STX18: variants seen among roughly 807,000 people sequenced by gnomAD.
The protein encoded by STX18 is syntaxin-18.
In STX18, 40 loss-of-function variants were observed where a neutral mutation model predicts 50.1. The observed-to-expected ratio is 0.80, with a 90% CI of 0.62 to 1.04. STX18 has a LOEUF of 1.04. Ranked by LOEUF, STX18 falls within the 50% of genes least tolerant of loss-of-function variation. The pLI, the probability that STX18 is intolerant of heterozygous loss-of-function variation, is 0.00. For missense variants in STX18, 410 were observed against 415.8 expected (o/e 0.99, Z 0.12); for synonymous variants, 158 against 151.8 (o/e 1.04, Z -0.30).
chr4:4,436,044 T>C (rs1309525920), intron 6 of STX18, among the ~76,000 whole-genome samples: 1 of 152,124 alleles, frequency 6.6e-6, no homozygotes, highest in African/African-American at 2.4e-5. Flanking sequence ...TCTTTTTCCT[T>C]TTTTCCTCAA....
intron 5 of STX18, among the ~76,000 whole-genome samples, chr4:4,450,709 G>A (rs1351233985): frequency 6.6e-6 from 1 of 152,020 alleles, no homozygotes; most frequent in Non-Finnish European, 1.5e-5. Context: ...CCTGGCTTAG[G>A]CTATGACTGC....
intron 1 of STX18, among the ~76,000 whole-genome samples, chr4:4,514,957 C>G (rs924591598): frequency 6.6e-6 from 1 of 152,116 alleles, no homozygotes; most frequent in Non-Finnish European, 1.5e-5. Context: ...ACTATGGGGA[C>G]AGGAAGGAGG....
At chr4:4,425,515 T>A in intron 7 of STX18, 1 of 528,204 alleles carries the variant, frequency 1.9e-6, no homozygotes, top group Non-Finnish European at 3.4e-6. Flanking sequence ...ACCTACCCGC[T>A]CTCCCCTGGG....
At chr4:4,450,297 A>G (rs1726678366) in intron 5 of STX18, among the ~76,000 whole-genome samples, 2 of 152,078 alleles carry the variant, frequency 1.3e-5, no homozygotes, top group South Asian at 4.1e-4. Flanking sequence ...CACTTCTCCT[A>G]TAGTGAGAAA....
intron 1 of STX18, among the ~76,000 whole-genome samples, chr4:4,500,716 G>A (rs541926823): frequency 3.2e-4 from 49 of 152,206 alleles, no homozygotes; most frequent in East Asian, 1.5e-3. Context: ...ACCTTCAATG[G>A]CTACATAACA....
In STX18 at chr4:4,438,432, T is replaced by C. The variant is rs1299357238; in HGVS notation, c.575A>G (p.Lys192Arg). 6.2e-7 allele frequency: 1 copy of C among 1,613,900 alleles called. No individual in the cohort carries two copies. Among genetic ancestry groups the C allele is most frequent in the South Asian group, 1.1e-5 (1 of 91,050 alleles). ...AGTGGCAGGGTTTTCTTCAGAGTCT[T>C]TTGAAGGACTCTGTGAAACTTTCTC... is the stretch of plus-strand genomic sequence containing the variant. ...SSEKVSQSPS[K>R]DSEENPATEE... The change falls in exon 6 of 11, where the codon AAA (lysine) becomes AGA (arginine). Residue 192 changes from lysine (K) to arginine (R), a missense_variant. Lys to Arg is a conservative substitution (Grantham distance 26). Coordinates refer to ENST00000306200, the MANE Select transcript of STX18 (RefSeq NM_016930.4).
chr4:4,529,594 T>C (rs987440102), intron 1 of STX18, among the ~76,000 whole-genome samples: 1 of 152,174 alleles, frequency 6.6e-6, no homozygotes, highest in African/African-American at 2.4e-5. Context: ...TGGGACACAC[T>C]TGCCACAGGA....
intron 1 of STX18, among the ~76,000 whole-genome samples, chr4:4,502,631 GA>G (rs139066635): frequency 6.6e-6 from 1 of 151,212 alleles, no homozygotes; most frequent in Non-Finnish European, 1.5e-5. Context: ...CTGTGTTGAA[GA>G]AAAAAAAATA....
chr4:4,495,245 A>G (rs1005964417), intron 1 of STX18, among the ~76,000 whole-genome samples: 6 of 152,242 alleles, frequency 3.9e-5, no homozygotes, highest in Non-Finnish European at 7.3e-5. Context: ...CCTGGCATAT[A>G]TAAGTTCTAG....
rs3038434 is a variant in STX18 at position 4,511,713 on chromosome 4, A to AGTGTGTGTGTGT, written c.168+30072_168+30083dup. Among the ~76,000 whole-genome samples, 384 of 137,502 alleles carry AGTGTGTGTGTGT rather than the reference A, an allele frequency of 2.8e-3. 3 individuals carry two copies. The highest frequency in any genetic ancestry group is 0.012 in the Admixed American group (160 of 13,766). 90.2% of individuals were successfully genotyped at this position (137,502 alleles called of 152,430 possible). Reference sequence around the variant, plus strand: ...CAATCACCAAACAACACTCATGATTAGTGTGTGTGTGTGTGTGTGTGTGTG... The same window carrying AGTGTGTGTGTGT: ...CAATCACCAAACAACACTCATGATTAGTGTGTGTGTGTGTGTGTGTGTGTGTGTGTGTGTGTG... On this transcript the variant is annotated intron_variant, in intron 1 of 10. Coordinates refer to ENST00000306200, the MANE Select transcript of STX18 (RefSeq NM_016930.4).
chr4:4,523,662 T>C (rs1730621957), intron 1 of STX18, among the ~76,000 whole-genome samples: 1 of 152,228 alleles, frequency 6.6e-6, no homozygotes, highest in Non-Finnish European at 1.5e-5. Flanking sequence ...CGAGCTGAGT[T>C]CAGGTCCTTG....
intron 1 of STX18, among the ~76,000 whole-genome samples, chr4:4,513,147 C>G (rs915347943): frequency 6.6e-6 from 1 of 152,020 alleles, no homozygotes; most frequent in African/African-American, 2.4e-5. Flanking sequence ...ACAGGAAATC[C>G]TTCCCTGGTT....
chr4:4,445,778 A>C (rs1212053572), intron 5 of STX18, among the ~76,000 whole-genome samples: 1 of 152,248 alleles, frequency 6.6e-6, no homozygotes, highest in Non-Finnish European at 1.5e-5. Flanking sequence ...TATAAATTCA[A>C]CATAATCCCT....
At chr4:4,498,627 C>T (rs1282858046) in intron 1 of STX18, among the ~76,000 whole-genome samples, 2 of 152,128 alleles carry the variant, frequency 1.3e-5, no homozygotes, top group Non-Finnish European at 2.9e-5. Context: ...GATACTAATT[C>T]GCTGGTGTAC....
chr4:4,433,790 G>A (rs891817394), intron 7 of STX18, among the ~76,000 whole-genome samples: 2 of 152,132 alleles, frequency 1.3e-5, no homozygotes, highest in Admixed American at 6.5e-5. Context: ...CAACACAAAC[G>A]CCTCAGTCTG....
intron 5 of STX18, among the ~76,000 whole-genome samples, chr4:4,446,802 A>C (rs1391487748): frequency 6.6e-6 from 1 of 152,216 alleles, no homozygotes. Flanking sequence ...GTTTACCCAA[A>C]AGAAATGAAA....
At chr4:4,528,930 C>G (rs1463719146) in intron 1 of STX18, among the ~76,000 whole-genome samples, 2 of 152,214 alleles carry the variant, frequency 1.3e-5, no homozygotes, top group Non-Finnish European at 2.9e-5. Context: ...ATCCCAACAA[C>G]AGAAAAGGGA....
intron 6 of STX18, chr4:4,437,708 A>C: frequency 1.3e-6 from 1 of 778,796 alleles, no homozygotes; most frequent in Non-Finnish European, 1.6e-6. Flanking sequence ...CCAGCACGCC[A>C]TCACCCTGTG....
chr4:4,537,776 T>C (rs2108933243), intron 1 of STX18, among the ~76,000 whole-genome samples: 1 of 152,302 alleles, frequency 6.6e-6, no homozygotes, highest in Middle Eastern at 3.4e-3. Flanking sequence ...TGAAATTAAG[T>C]GGCTTCCCCA....
Sources: allele counts gnomAD v4.1 joint callset (sites outside exome capture counted in the v4.1 genomes callset), GRCh38; gene constraint gnomAD v4.1.1; transcripts MANE v1.5; gene names NCBI Gene and HGNC (gene_info 2026-07-23, HGNC 2026-07-21).